GABBR2: variants seen among roughly 807,000 people sequenced by gnomAD.
GABBR2 encodes G-protein coupled receptor 51.
GABBR2 carries 23 observed loss-of-function variants against 105.6 expected under a neutral mutation model. That is an observed-to-expected ratio of 0.22 (90% CI 0.16 to 0.31). GABBR2 has a LOEUF of 0.31. GABBR2 is among the 10% of genes least tolerant of loss of function. GABBR2 has a pLI of 1.00. For missense variants in GABBR2, 734 were observed against 1,245.5 expected (o/e 0.59, Z 6.18); for synonymous variants, 478 against 499.7 (o/e 0.96, Z 0.58).
intron 6 of GABBR2, among the ~76,000 whole-genome samples, chr9:98,455,007 T>G (rs1162385734): frequency 1.3e-5 from 2 of 152,290 alleles, no homozygotes; most frequent in East Asian, 3.9e-4. Flanking sequence ...TTGCAGATTC[T>G]GGGCCCCGAG....
At position 98,366,366 on chromosome 9, in the gene GABBR2, G is replaced by A. The variant is rs369713218; in HGVS notation, c.1771-3529C>T. Among the ~76,000 whole-genome samples, 25 of 152,282 alleles carry A rather than the reference G, an allele frequency of 1.6e-4. No homozygotes were observed. In the South Asian group the frequency reaches 2.5e-3, roughly 15 times the overall value. On this transcript the variant is annotated intron_variant, in intron 12 of 18. Coordinates refer to ENST00000259455, the MANE Select transcript of GABBR2 (RefSeq NM_005458.8). ...GAGCGTACCCTCAATTACAAGGAGG[G>A]TAAGGTAGAGAAGAGAAATTTACAC...
chr9:98,349,146 G>A (rs1831348856), intron 13 of GABBR2, among the ~76,000 whole-genome samples: 2 of 151,818 alleles, frequency 1.3e-5, no homozygotes, highest in Admixed American at 1.3e-4. Context: ...AAGGGATGTT[G>A]AATTTTATAA....
intron 1 of GABBR2, among the ~76,000 whole-genome samples, chr9:98,602,029 C>G (rs1457207794): frequency 6.6e-6 from 1 of 152,084 alleles, no homozygotes; most frequent in Non-Finnish European, 1.5e-5. Context: ...GAGACAGAGT[C>G]TTGCTCTGTC....
chr9:98,342,726 C>T (rs1384375267), intron 13 of GABBR2, among the ~76,000 whole-genome samples: 2 of 152,216 alleles, frequency 1.3e-5, no homozygotes, highest in African/African-American at 2.4e-5. Context: ...AGTGAGGACC[C>T]ATCACTTGGA....
chr9:98,609,248 C>T (rs1342716566), intron 1 of GABBR2, among the ~76,000 whole-genome samples: 3 of 152,176 alleles, frequency 2.0e-5, no homozygotes, highest in Admixed American at 2.0e-4. Flanking sequence ...TCCCAGACAG[C>T]CTGAATTCTG....
At chr9:98,360,091 A>G (rs1831556477) in intron 13 of GABBR2, among the ~76,000 whole-genome samples, 1 of 151,872 alleles carries the variant, frequency 6.6e-6, no homozygotes, top group Non-Finnish European at 1.5e-5. Flanking sequence ...CGGAGCACAC[A>G]GGGTGTCTGA....
At chr9:98,522,600 G>A (rs777448269) in intron 3 of GABBR2, among the ~76,000 whole-genome samples, 14 of 152,136 alleles carry the variant, frequency 9.2e-5, no homozygotes, top group Non-Finnish European at 2.1e-4. Flanking sequence ...TAGATAACTT[G>A]TCATTCATAG....
At chr9:98,442,845 T>G (rs759939876) in intron 7 of GABBR2, among the ~76,000 whole-genome samples, 2 of 152,220 alleles carry the variant, frequency 1.3e-5, no homozygotes, top group Non-Finnish European at 2.9e-5. Flanking sequence ...TGCTTCATCA[T>G]CACATGGCAT....
chr9:98,310,315 C>T (rs1195108844), intron 14 of GABBR2, among the ~76,000 whole-genome samples: 1 of 151,952 alleles, frequency 6.6e-6, no homozygotes, highest in Non-Finnish European at 1.5e-5. Context: ...ATGGCCTGAT[C>T]TCGGCCCACC....
chr9:98,295,610 C>T (rs1830367930), intron 17 of GABBR2, among the ~76,000 whole-genome samples: 1 of 152,020 alleles, frequency 6.6e-6, no homozygotes, highest in Admixed American at 6.5e-5. Flanking sequence ...ACTGCAACCT[C>T]CGCCTCCCAG....
chr9:98,678,738 A>G lies in GABBR2; in HGVS notation c.321+29679T>C, dbSNP rs1360564078. Among the ~76,000 whole-genome samples the G allele has an allele frequency of 2.0e-5, 3 of 152,172 alleles. No individual in the cohort carries two copies. The East Asian group carries it at 5.8e-4, about 29-fold the overall frequency. On this transcript the variant is annotated intron_variant, in intron 1 of 18. Transcript: ENST00000259455. ...TCTCTTTCACATCCTCCTAAAATTC[A>G]TGCCAGTGACTGAGCCTGCACCCAT... is the stretch of plus-strand genomic sequence containing the variant.
intron 2 of GABBR2, among the ~76,000 whole-genome samples, chr9:98,575,612 C>T (rs144694775): frequency 2.6e-5 from 4 of 152,244 alleles, no homozygotes; most frequent in Non-Finnish European, 5.9e-5. Flanking sequence ...GAATGTGCTC[C>T]TCAATGTTCA....
At chr9:98,490,181 C>T (rs1021192903) in intron 4 of GABBR2, among the ~76,000 whole-genome samples, 14 of 152,114 alleles carry the variant, frequency 9.2e-5, no homozygotes, top group African/African-American at 2.9e-4. Flanking sequence ...TGTGAATGTA[C>T]TTAATGCCAC....
intron 1 of GABBR2, among the ~76,000 whole-genome samples, chr9:98,637,819 A>C (rs1829901553): frequency 6.6e-6 from 1 of 152,202 alleles, no homozygotes; most frequent in South Asian, 2.1e-4. Flanking sequence ...TGACCTCCAG[A>C]ACTATCAGAT....
At chr9:98,465,020 C>G (rs955234316) in intron 6 of GABBR2, among the ~76,000 whole-genome samples, 2 of 148,480 alleles carry the variant, frequency 1.3e-5, no homozygotes, top group African/African-American at 5.0e-5. Context: ...AACCAGAGAC[C>G]TTTGTTCTTG....
intron 1 of GABBR2, among the ~76,000 whole-genome samples, chr9:98,667,717 C>T (rs1389946637): frequency 6.6e-6 from 1 of 152,196 alleles, no homozygotes; most frequent in African/African-American, 2.4e-5. Context: ...GGAGAATAGC[C>T]CTGCAACATA....
intron 9 of GABBR2, among the ~76,000 whole-genome samples, chr9:98,393,309 GC>G (rs1832226683): frequency 8.3e-6 from 1 of 119,912 alleles, no homozygotes; most frequent in South Asian, 2.6e-4. Context: ...CCATCCATCT[GC>G]CCATTCACAC....
intron 1 of GABBR2, among the ~76,000 whole-genome samples, chr9:98,610,514 G>C (rs776928386): frequency 6.6e-6 from 1 of 152,190 alleles, no homozygotes; most frequent in African/African-American, 2.4e-5. Flanking sequence ...TTTAGTGAAG[G>C]TTCTTGAGAG....
At chr9:98,401,037 G>T (rs930837330) in intron 8 of GABBR2, among the ~76,000 whole-genome samples, 14 of 151,902 alleles carry the variant, frequency 9.2e-5, no homozygotes, top group African/African-American at 3.4e-4. Flanking sequence ...CCTCGGGGGA[G>T]AGTGTAAATC....
Sources: allele counts gnomAD v4.1 joint callset (sites outside exome capture counted in the v4.1 genomes callset), GRCh38; gene constraint gnomAD v4.1.1; transcripts MANE v1.5; gene names NCBI Gene and HGNC (gene_info 2026-07-23, HGNC 2026-07-21).